The following ENOX2 variants were observed in gnomAD, a reference collection of about 807,000 sequenced individuals.
ENOX2 encodes ecto-NOX disulfide-thiol exchanger 2.
A neutral mutation model predicts 45.0 loss-of-function variants in ENOX2; 36 were observed. The observed-to-expected ratio is 0.80, with a 90% CI of 0.61 to 1.06. The LOEUF (loss-of-function observed/expected upper bound fraction) is 1.06. ENOX2 is among the 50% of genes least tolerant of loss of function. ENOX2 has a pLI of 0.00. For missense variants in ENOX2, 423 were observed against 462.5 expected, an observed-to-expected ratio of 0.91 and a Z score of 0.78; for synonymous variants, 174 against 152.3, an observed-to-expected ratio of 1.14 and a Z score of -1.05.
chrX:130,694,884 G>A (rs1027984833), intron 4 of ENOX2, among the ~76,000 whole-genome samples: 10 of 111,106 alleles, frequency 9.0e-5, no homozygotes, highest in African/African-American at 3.3e-4. Flanking sequence ...TTGTGGTAGG[G>A]GAGAGGAATA....
intron 3 of ENOX2, among the ~76,000 whole-genome samples, chrX:130,729,697 T>C (rs1264324184): frequency 8.9e-6 from 1 of 112,392 alleles, no homozygotes; most frequent in East Asian, 2.8e-4. Context: ...TTATGAAGCA[T>C]TGGCTCACAA....
chrX:130,666,444 C>T (rs1490528336), intron 8 of ENOX2, among the ~76,000 whole-genome samples: 1 of 111,822 alleles, frequency 8.9e-6, no homozygotes, highest in African/African-American at 3.3e-5. Flanking sequence ...ATCCTAATCA[C>T]AGTTCAAGAG....
chrX:130,898,331 C>A (rs760618299), intron 2 of ENOX2, among the ~76,000 whole-genome samples: 2 of 111,988 alleles, frequency 1.8e-5, no homozygotes, highest in South Asian at 7.5e-4. Flanking sequence ...TAAAAATTAA[C>A]AAATATACTG....
intron 5 of ENOX2, among the ~76,000 whole-genome samples, chrX:130,683,337 C>A (rs2037359293): frequency 8.9e-6 from 1 of 111,947 alleles, no homozygotes; most frequent in African/African-American, 3.3e-5. Flanking sequence ...GATTGAAGGT[C>A]CCCTGGACAA....
intron 3 of ENOX2, among the ~76,000 whole-genome samples, chrX:130,738,423 G>C (rs1440119468): frequency 8.9e-6 from 1 of 112,029 alleles, no homozygotes; most frequent in Non-Finnish European, 1.9e-5. Flanking sequence ...AAGCACAGTG[G>C]ACAAGAAATA....
At chrX:130,761,244 T>C (rs1295369662) in intron 3 of ENOX2, among the ~76,000 whole-genome samples, 1 of 111,881 alleles carries the variant, frequency 8.9e-6, no homozygotes, top group Non-Finnish European at 1.9e-5. Context: ...ATAGAATTTG[T>C]GGTAATTCTT....
intron 10 of ENOX2, among the ~76,000 whole-genome samples, chrX:130,652,796 T>C (rs2036439536): frequency 8.9e-6 from 1 of 112,103 alleles, no homozygotes; most frequent in Admixed American, 9.4e-5. Context: ...CATGTAAACA[T>C]GAAGACAGAG....
intron 2 of ENOX2, among the ~76,000 whole-genome samples, chrX:130,843,269 T>C (rs1482572265): frequency 9.0e-6 from 1 of 111,290 alleles, no homozygotes; most frequent in East Asian, 2.8e-4. Context: ...CCATTCTCCA[T>C]ATCCAGTAAC....
intron 2 of ENOX2, among the ~76,000 whole-genome samples, chrX:130,811,155 G>A (rs1248511213): frequency 1.8e-5 from 2 of 111,054 alleles, no homozygotes; most frequent in Non-Finnish European, 3.8e-5. Flanking sequence ...GCAGGTACTA[G>A]GCTCACCACA....
chrX:130,692,361 C>T (rs1178498330), intron 4 of ENOX2, among the ~76,000 whole-genome samples: 1 of 112,949 alleles, frequency 8.9e-6, no homozygotes, highest in Non-Finnish European at 1.9e-5. Context: ...TGTACCATTG[C>T]CACTTATATT....
chrX:130,756,845 T>A (rs2039366452), intron 3 of ENOX2, among the ~76,000 whole-genome samples: 1 of 112,292 alleles, frequency 8.9e-6, no homozygotes, highest in Admixed American at 9.4e-5. Flanking sequence ...GACAACAGCT[T>A]GTAGTACAAA....
At chrX:130,805,932 A>C (rs1273170924) in intron 2 of ENOX2, among the ~76,000 whole-genome samples, 1 of 112,068 alleles carries the variant, frequency 8.9e-6, no homozygotes, top group African/African-American at 3.2e-5. Context: ...GAAACAAGTA[A>C]TTTTATCAGA....
In ENOX2 at chrX:130,694,600, C is replaced by CTTT. The variant is rs1176052103; in HGVS notation, c.98-5585_98-5583dup. Among the ~76,000 whole-genome samples, 31 of 86,178 alleles carry CTTT rather than the reference C, an allele frequency of 3.6e-4. 1 individual carries two copies. Among genetic ancestry groups the CTTT allele is most frequent in the African/African-American group, 1.1e-3 (26 of 23,511 alleles). The allele number at this position is 86,178 out of a possible 115,157, so 74.8% of individuals were successfully genotyped here. On this transcript the variant is annotated intron_variant, in intron 4 of 14. Transcript: ENST00000394363. ...GCCCGTTCATGCTGGCTTTTCTTTT[C>CTTT]TTTTTTTTTTTTTTTTTTTGAGATG...
At chrX:130,653,141 G>A (rs1336958326) in intron 10 of ENOX2, among the ~76,000 whole-genome samples, 3 of 111,071 alleles carry the variant, frequency 2.7e-5, no homozygotes, top group Non-Finnish European at 3.8e-5. Flanking sequence ...TATATTCCTC[G>A]AAAATGACTC....
chrX:130,895,063 C>T (rs147089536), intron 2 of ENOX2, among the ~76,000 whole-genome samples: 164 of 111,767 alleles, frequency 1.5e-3, no homozygotes, highest in African/African-American at 4.7e-3. Flanking sequence ...CATCAAAATA[C>T]GATCACTGGT....
At chrX:130,813,554 C>T (rs1285512000) in intron 2 of ENOX2, among the ~76,000 whole-genome samples, 2 of 111,618 alleles carry the variant, frequency 1.8e-5, no homozygotes, top group East Asian at 2.8e-4. Context: ...AGGTATCTGG[C>T]TCATCTCACT....
intron 2 of ENOX2, among the ~76,000 whole-genome samples, chrX:130,844,398 G>A (rs1369975730): frequency 9.0e-6 from 1 of 111,328 alleles, no homozygotes; most frequent in Non-Finnish European, 1.9e-5. Context: ...ATGAGAGAGA[G>A]AAAGGGAAAG....
intron 13 of ENOX2, among the ~76,000 whole-genome samples, chrX:130,630,964 A>AAAAG (rs369904340): frequency 4.9e-4 from 49 of 99,917 alleles, no homozygotes; most frequent in African/African-American, 1.8e-3. Flanking sequence ...TCTGGAGGTT[A>AAAAG]AAACAAACAA....
intron 2 of ENOX2, among the ~76,000 whole-genome samples, chrX:130,871,596 G>A (rs182600995): frequency 1.4e-3 from 157 of 111,455 alleles, no homozygotes; most frequent in South Asian, 3.4e-3. Context: ...CAGGTGAGTT[G>A]AATACGATTT....
Sources: gnomAD v4.1 joint callset for allele counts (sites outside exome capture counted in the v4.1 genomes callset) on GRCh38, gnomAD v4.1.1 for gene constraint, MANE v1.5 for transcripts, NCBI Gene and HGNC (gene_info 2026-07-23, HGNC 2026-07-21) for gene names.